GAN: variants seen among roughly 807,000 people sequenced by gnomAD.
GAN encodes the protein gigaxonin.
GAN carries 48 observed loss-of-function variants against 71.3 expected under a neutral mutation model. That is an observed-to-expected ratio of 0.67 (90% CI 0.53 to 0.86). The LOEUF (loss-of-function observed/expected upper bound fraction) is 0.86. Ranked by LOEUF, GAN falls within the 40% of genes least tolerant of loss-of-function variation. The pLI is 0.00. For synonymous variants in GAN, 386 were observed against 276.8 expected (o/e 1.39, Z -3.92); for missense variants, 928 against 770.1 (o/e 1.21, Z -2.43).
intron 1 of GAN, among the ~76,000 whole-genome samples, chr16:81,345,453 G>A (rs1433915087): frequency 4.6e-5 from 7 of 152,156 alleles, no homozygotes; most frequent in Non-Finnish European, 5.9e-5. Flanking sequence ...GCAGGGACAT[G>A]GATGAAGCTG....
chr16:81,365,302 C>G (rs372771036), intron 8 of GAN, 48 bp from the exon 9 acceptor site: 36 of 1,612,788 alleles, frequency 2.2e-5, no homozygotes, highest in Non-Finnish European at 2.9e-5. Flanking sequence ...GGAGTGAGAT[C>G]TCGCATTGTA....
At position 81,380,943 on chromosome 16, in the gene GAN, A is replaced by C. The variant is rs754114894; in HGVS notation, c.*3347A>C. 1 of 152,198 alleles carries C rather than the reference A, an allele frequency of 6.6e-6. No individual in the cohort carries two copies. The highest frequency in any genetic ancestry group is 1.5e-5 in the Non-Finnish European group (1 of 68,020). 9.4% of individuals were successfully genotyped at this position (152,198 alleles called of 1,614,324 possible). On this transcript the variant is annotated 3_prime_UTR_variant, in exon 11 of 11. Transcript: ENST00000648994. ...GCTTTTTTCAAACTGTATAACAACCAAAAAGGAGCATTTGGGGGTATGTTG... is the reference window on the plus strand; with the variant it reads ...GCTTTTTTCAAACTGTATAACAACCCAAAAGGAGCATTTGGGGGTATGTTG...
At chr16:81,351,725 C>A in intron 2 of GAN, 28 bp downstream of exon 2, 1 of 1,038,646 alleles carries the variant, frequency 9.6e-7, no homozygotes, top group Non-Finnish European at 1.5e-6. Flanking sequence ...GGAAGGAAGA[C>A]CTAAGTAGAG....
rs371002937 is a variant in GAN, at chr16:81,315,209, G to T, written c.96G>T (p.Ala32=). Residue 32 remains alanine (A), a synonymous_variant, in exon 1 of 11, where the codon GCG becomes GCT. Coordinates refer to ENST00000648994, the MANE Select transcript of GAN (RefSeq NM_022041.4). ...GCGAGGAGTCTCGCTTCTGCGACGC[G>T]CACCTGGTCCTCGACGGGGAGGAGA... ...SFREESRFCD[A]HLVLDGEEIP... is the part of the protein sequence containing the mutation. The T allele has an allele frequency of 1.3e-6, 2 of 1,579,660 alleles. No homozygotes were observed. The highest frequency in any genetic ancestry group is 8.6e-7 in the Non-Finnish European group (1 of 1,165,064).
chr16:81,337,809 A>T (rs1012856655), intron 1 of GAN, among the ~76,000 whole-genome samples: 2 of 152,164 alleles, frequency 1.3e-5, no homozygotes, highest in African/African-American at 2.4e-5. Flanking sequence ...GAACAGAAAA[A>T]TTTTTTAAAA....
chr16:81,372,632 G>A (rs1911072744), intron 9 of GAN, among the ~76,000 whole-genome samples: 1 of 152,180 alleles, frequency 6.6e-6, no homozygotes, highest in African/African-American at 2.4e-5. Context: ...ATGTGCTTGG[G>A]ACAAAACCTG....
intron 7 of GAN, among the ~76,000 whole-genome samples, 163 bp downstream of exon 7, chr16:81,364,106 C>T (rs995325422): frequency 6.6e-6 from 1 of 152,166 alleles, no homozygotes; most frequent in Non-Finnish European, 1.5e-5. Flanking sequence ...TCATCAGCCA[C>T]ACACCAAGAT....
intron 1 of GAN, among the ~76,000 whole-genome samples, chr16:81,323,293 C>T (rs943794976): frequency 6.6e-6 from 1 of 152,096 alleles, no homozygotes; most frequent in African/African-American, 2.4e-5. Flanking sequence ...AACTTTGTTC[C>T]CCGCCTAAAA....
At chr16:81,317,512 G>A (rs780055733) in intron 1 of GAN, among the ~76,000 whole-genome samples, 5 of 152,202 alleles carry the variant, frequency 3.3e-5, no homozygotes, top group Non-Finnish European at 7.3e-5. Context: ...CACCTCATAG[G>A]TCTGTTCCCA....
Position 81,359,870 on chromosome 16 carries a change from A to G in GAN, c.973+1939A>G, listed in dbSNP as rs371635537. On this transcript the variant is annotated intron_variant, in intron 5 of 10. Coordinates refer to ENST00000648994, the MANE Select transcript of GAN (RefSeq NM_022041.4). ...AACAATATACTGTAATAGTTATGTGAATGTGGTCTCTCTCAAAATATCTTA... is the reference window on the plus strand; with the variant it reads ...AACAATATACTGTAATAGTTATGTGGATGTGGTCTCTCTCAAAATATCTTA... Among the ~76,000 whole-genome samples, 7 of 152,370 alleles carry G rather than the reference A, an allele frequency of 4.6e-5. 1 individual carries two copies. The highest frequency in any genetic ancestry group is 1.7e-4 in the African/African-American group (7 of 41,598).
chr16:81,366,003 G>T (rs1272931581), intron 9 of GAN, among the ~76,000 whole-genome samples: 1 of 152,204 alleles, frequency 6.6e-6, no homozygotes, highest in Non-Finnish European at 1.5e-5. Flanking sequence ...GCAAACATGT[G>T]TGGTTGTCTC....
At chr16:81,371,532 T>C (rs957242779) in intron 9 of GAN, among the ~76,000 whole-genome samples, 1 of 152,186 alleles carries the variant, frequency 6.6e-6, no homozygotes, top group Admixed American at 6.5e-5. Flanking sequence ...GCAGCTGAAA[T>C]CTCAGTCCAG....
chr16:81,367,586 A>G (rs745901457), intron 9 of GAN, among the ~76,000 whole-genome samples: 2 of 152,226 alleles, frequency 1.3e-5, no homozygotes, highest in Non-Finnish European at 2.9e-5. Flanking sequence ...CTTATTTCTA[A>G]GCTCTCTGAT....
chr16:81,343,452 G>C (rs1016396171), intron 1 of GAN, among the ~76,000 whole-genome samples: 1 of 152,184 alleles, frequency 6.6e-6, no homozygotes, highest in African/African-American at 2.4e-5. Context: ...GGGATGCAAG[G>C]CTGGTTCAAC....
chr16:81,346,292 C>T (rs990544476), intron 1 of GAN, among the ~76,000 whole-genome samples: 3 of 152,192 alleles, frequency 2.0e-5, no homozygotes, highest in African/African-American at 7.2e-5. Flanking sequence ...GCATCTGCTA[C>T]CCCAGAGCTG....
intron 1 of GAN, among the ~76,000 whole-genome samples, chr16:81,332,494 T>C (rs963040381): frequency 3.9e-5 from 6 of 152,228 alleles, no homozygotes; most frequent in African/African-American, 1.4e-4. Context: ...GCTTTTGCTG[T>C]CCCCCTTCCT....
At chr16:81,376,408 C>G (rs1904279762) in intron 9 of GAN, among the ~76,000 whole-genome samples, 5 of 150,078 alleles carry the variant, frequency 3.3e-5, no homozygotes, top group Admixed American at 3.3e-4. Context: ...TCACCTGAGC[C>G]CAGGAGCTCA....
At chr16:81,363,690 T>C in intron 6 of GAN, 104 bp from the exon 7 acceptor site, 1 of 1,175,048 alleles carries the variant, frequency 8.5e-7, no homozygotes. Flanking sequence ...CATTGTCTAT[T>C]TTTGCCATCT....
At chr16:81,365,503 C>G in intron 9 of GAN, 25 bp downstream of exon 9, 1 of 1,607,078 alleles carries the variant, frequency 6.2e-7, no homozygotes. Context: ...TTTCACATAG[C>G]TACTGCAACT....
Sources: gnomAD v4.1 joint callset for allele counts (sites outside exome capture counted in the v4.1 genomes callset) on GRCh38, gnomAD v4.1.1 for gene constraint, MANE v1.5 for transcripts, NCBI Gene and HGNC (gene_info 2026-07-23, HGNC 2026-07-21) for gene names.